SLCO2A1: variants seen among roughly 807,000 people sequenced by gnomAD.
SLCO2A1 encodes the protein matrin F/G 1.
Under a neutral mutation model 71.7 loss-of-function variants are expected in SLCO2A1, and 60 were observed. That is an observed-to-expected ratio of 0.84 (90% CI 0.68 to 1.04). The LOEUF (loss-of-function observed/expected upper bound fraction) is 1.04, where lower values mean the gene tolerates loss of function less well. Among genes scored for constraint, SLCO2A1 ranks in the 50% least tolerant of loss-of-function variants. The pLI, the probability that SLCO2A1 is intolerant of heterozygous loss-of-function variation, is 0.00. For missense variants in SLCO2A1, 745 were observed against 813.4 expected (o/e 0.92, Z 1.02); for synonymous variants, 308 against 326.7 (o/e 0.94, Z 0.62).
rs71136502 is a variant in SLCO2A1, at chr3:133,987,131, G to GCC, written c.97-7515_97-7514dup. On this transcript the variant is annotated intron_variant, in intron 1 of 13. Transcript: ENST00000310926. ...ATGTAAACCAAAAATAAAATTCAAA[G>GCC]CCCCCCCCCCCGCCCCCGCCCCGCC... Among the ~76,000 whole-genome samples, 124 of 105,052 alleles carry GCC rather than the reference G, an allele frequency of 1.2e-3. 1 individual carries two copies. The highest frequency in any genetic ancestry group is 3.8e-3 in the African/African-American group (98 of 25,560). 68.9% of individuals were successfully genotyped at this position (105,052 alleles called of 152,430 possible). A position where few individuals can be genotyped will look rare whatever the true frequency, so the allele number is the denominator to read the frequency against.
At chr3:133,951,547 A>T (rs4854769) in intron 5 of SLCO2A1, among the ~76,000 whole-genome samples, 1 of 152,076 alleles carries the variant, frequency 6.6e-6, no homozygotes, top group African/African-American at 2.4e-5. Flanking sequence ...CTGCACATGA[A>T]GCACAGCATC....
chr3:133,946,754 T>C (rs901012300), intron 9 of SLCO2A1, among the ~76,000 whole-genome samples: 1 of 152,212 alleles, frequency 6.6e-6, no homozygotes, highest in Admixed American at 6.5e-5. Flanking sequence ...GTAAGAGCCT[T>C]TGATCTCTTC....
Position 133,945,278 on chromosome 3 carries a change from A to G in SLCO2A1, c.1296-18T>C. On this transcript the variant is annotated intron_variant, in intron 9 of 13. Coordinates refer to ENST00000310926, the MANE Select transcript of SLCO2A1 (RefSeq NM_005630.3). ...TTGATGTGCTGCCAGCAAAAGAGGA[A>G]ACGGGGAATCAAACAAAGCAAGACC... is the stretch of plus-strand genomic sequence containing the variant. The G allele has an allele frequency of 6.3e-7, 1 of 1,593,582 alleles. No individual in the cohort carries two copies. Among genetic ancestry groups the G allele is most frequent in the Non-Finnish European group, 8.5e-7 (1 of 1,172,072 alleles).
chr3:133,956,127 T>C (rs1048160624), intron 3 of SLCO2A1, among the ~76,000 whole-genome samples: 9 of 152,204 alleles, frequency 5.9e-5, no homozygotes, highest in African/African-American at 2.2e-4. Flanking sequence ...TTCAGGCTAA[T>C]GGAAACCACT....
intron 1 of SLCO2A1, among the ~76,000 whole-genome samples, chr3:133,984,505 C>T (rs566751355): frequency 1.3e-5 from 2 of 152,240 alleles, no homozygotes; most frequent in Admixed American, 6.5e-5. Flanking sequence ...GGAAGGAAGT[C>T]GATGGATGGT....
intron 1 of SLCO2A1, among the ~76,000 whole-genome samples, chr3:133,984,284 G>A (rs2108060964): frequency 6.6e-6 from 1 of 152,258 alleles, no homozygotes; most frequent in East Asian, 1.9e-4. Flanking sequence ...TCTAGCCAGA[G>A]CTGGCTCCTT....
chr3:134,023,082 C>T lies in SLCO2A1; in HGVS notation c.96+6625G>A, dbSNP rs1420500125. The stretch of plus-strand genomic sequence containing the variant: ...TCAAGCCAGCCTGGGAAGGACCCTA[C>T]CTTGTGCTGCTAACCAACAAGACTG... On this transcript the variant is annotated intron_variant, in intron 1 of 13. Coordinates refer to ENST00000310926, the MANE Select transcript of SLCO2A1 (RefSeq NM_005630.3). Among the ~76,000 whole-genome samples the T allele has an allele frequency of 2.0e-5, 3 of 152,240 alleles. No homozygotes were observed. In the East Asian group the frequency reaches 5.8e-4, roughly 29 times the overall value.
Position 133,997,987 on chromosome 3 carries a change from G to A in SLCO2A1, c.97-18369C>T, listed in dbSNP as rs183718980. Among the ~76,000 whole-genome samples the A allele has an allele frequency of 2.1e-3, 327 of 152,322 alleles. 2 individuals carry two copies. Among genetic ancestry groups the A allele is most frequent in the African/African-American group, 7.5e-3 (311 of 41,570 alleles). ...AGCCCTAGCTCACAGCCTTGCTCAC[G>A]GTGCCGGGGAGGTGCTGGCTGTCTT... On this transcript the variant is annotated intron_variant, in intron 1 of 13. Coordinates refer to ENST00000310926, the MANE Select transcript of SLCO2A1 (RefSeq NM_005630.3).
At chr3:133,992,560 G>A (rs771117078) in intron 1 of SLCO2A1, among the ~76,000 whole-genome samples, 8 of 152,162 alleles carry the variant, frequency 5.3e-5, no homozygotes, top group Non-Finnish European at 7.3e-5. Context: ...CCTGTTTTCC[G>A]GCTTGAATGT....
intron 1 of SLCO2A1, among the ~76,000 whole-genome samples, chr3:134,000,193 G>C (rs906403527): frequency 6.6e-6 from 1 of 152,212 alleles, no homozygotes; most frequent in Admixed American, 6.5e-5. Flanking sequence ...GGAGCCGGAC[G>C]AGTGCAGGGA....
chr3:133,961,705 T>A (rs1934039721), intron 3 of SLCO2A1, among the ~76,000 whole-genome samples: 1 of 142,848 alleles, frequency 7.0e-6, no homozygotes, highest in African/African-American at 2.5e-5. Context: ...TTAAAAATAA[T>A]CAATGGGCCC....
intron 1 of SLCO2A1, among the ~76,000 whole-genome samples, chr3:134,015,209 T>C (rs1036582316): frequency 2.0e-5 from 3 of 152,152 alleles, no homozygotes; most frequent in Non-Finnish European, 4.4e-5. Flanking sequence ...AGTGGATGAA[T>C]AGGTAAGGAA....
intron 1 of SLCO2A1, among the ~76,000 whole-genome samples, chr3:134,022,612 T>A (rs1275403289): frequency 6.6e-6 from 1 of 152,086 alleles, no homozygotes; most frequent in Non-Finnish European, 1.5e-5. Context: ...TATAAAAGGT[T>A]AAAAAGAGTC....
chr3:133,979,406 T>TCCTCTGCTTCTCCTGG, intron 2 of SLCO2A1, 75 bp downstream of exon 2: 1 of 1,582,010 alleles, frequency 6.3e-7, no homozygotes, highest in Non-Finnish European at 8.7e-7. Context: ...AGCCCCCTGT[T>TCCTCTGCTTCTCCTGG]CCTCTGCTTC....
chr3:133,953,647 C>T lies in SLCO2A1; in HGVS notation c.724+16G>A. 6.2e-7 allele frequency: 1 copy of T among 1,604,816 alleles called. No individual in the cohort carries two copies. Among genetic ancestry groups the T allele is most frequent in the Non-Finnish European group, 8.5e-7 (1 of 1,171,526 alleles). On this transcript the variant is annotated intron_variant, in intron 5 of 13. Transcript: ENST00000310926. ...TGAGCTGGGGATGGGAATGGGTGTC[C>T]TCTGCACATACTCACCTGTGTTGAC...
chr3:134,008,099 T>C (rs2108073216), intron 1 of SLCO2A1, among the ~76,000 whole-genome samples: 1 of 152,330 alleles, frequency 6.6e-6, no homozygotes, highest in South Asian at 2.1e-4. Context: ...TGATTCACAG[T>C]CGTGCTCCCC....
At chr3:133,981,215 G>T (rs985529883) in intron 1 of SLCO2A1, among the ~76,000 whole-genome samples, 11 of 152,132 alleles carry the variant, frequency 7.2e-5, no homozygotes, top group African/African-American at 2.7e-4. Context: ...AGCAAGCTTA[G>T]CCAGAAAGGG....
rs1469910219 is a variant in SLCO2A1, at chr3:133,955,196, G to A, written c.398-3C>T. 3 of 1,610,504 alleles carry A rather than the reference G, an allele frequency of 1.9e-6. No homozygotes were observed. The highest frequency in any genetic ancestry group is 3.3e-4 in the Middle Eastern group (2 of 5,998). On this transcript the variant is annotated splice_region_variant and splice_polypyrimidine_tract_variant and intron_variant, in intron 3 of 13. Coordinates refer to ENST00000310926, the MANE Select transcript of SLCO2A1 (RefSeq NM_005630.3). ...GGCCTGCAAGCGGCTGTTGTTCCCT[G>A]CAACGAGAGTGCTTGCTGGTCTCCA...
chr3:133,959,670 C>T (rs1933985905), intron 3 of SLCO2A1, among the ~76,000 whole-genome samples: 2 of 151,998 alleles, frequency 1.3e-5, no homozygotes, highest in Non-Finnish European at 2.9e-5. Flanking sequence ...ACTAAAAATA[C>T]AAAAAATTAG....
Sources: allele counts gnomAD v4.1 joint callset (sites outside exome capture counted in the v4.1 genomes callset), GRCh38; gene constraint gnomAD v4.1.1; transcripts MANE v1.5; gene names NCBI Gene and HGNC (gene_info 2026-07-23, HGNC 2026-07-21).